TRAPPC9: variants seen among roughly 807,000 people sequenced by gnomAD.
The protein encoded by TRAPPC9 is IKK2 binding protein.
TRAPPC9 carries 83 observed loss-of-function variants against 124.0 expected under a neutral mutation model. That is an observed-to-expected ratio of 0.67 (90% CI 0.56 to 0.80). TRAPPC9 has a LOEUF of 0.80. Ranked by LOEUF, TRAPPC9 falls within the 30% of genes least tolerant of loss-of-function variation. The pLI is 0.00. For missense variants in TRAPPC9, 1,302 were observed against 1,508.3 expected, an observed-to-expected ratio of 0.86 and a Z score of 2.27; for synonymous variants, 638 against 617.5, an observed-to-expected ratio of 1.03 and a Z score of -0.49.
chr8:140,324,748 C>G (rs2066693668), intron 9 of TRAPPC9, among the ~76,000 whole-genome samples: 1 of 152,108 alleles, frequency 6.6e-6, no homozygotes, highest in South Asian at 2.1e-4. Flanking sequence ...CCAGCCTGAG[C>G]AACAGAGGGA....
chr8:140,192,121 G>T (rs766991667), intron 17 of TRAPPC9, among the ~76,000 whole-genome samples: 9 of 152,144 alleles, frequency 5.9e-5, no homozygotes, highest in Non-Finnish European at 1.2e-4. Flanking sequence ...CTCTAAATCA[G>T]CTGTGTTCAT....
At chr8:139,773,081 C>T (rs1166332851) in intron 21 of TRAPPC9, among the ~76,000 whole-genome samples, 1 of 152,238 alleles carries the variant, frequency 6.6e-6, no homozygotes. Flanking sequence ...TGGGCCACCT[C>T]GCAGTGGCTG....
chr8:139,936,487 C>T (rs1024907544), intron 19 of TRAPPC9, among the ~76,000 whole-genome samples: 2 of 152,184 alleles, frequency 1.3e-5, no homozygotes, highest in African/African-American at 4.8e-5. Context: ...GGAGCCCATC[C>T]AGTGGGAGCA....
intron 19 of TRAPPC9, among the ~76,000 whole-genome samples, chr8:139,920,936 C>T (rs919724731): frequency 6.6e-6 from 1 of 152,240 alleles, no homozygotes; most frequent in African/African-American, 2.4e-5. Flanking sequence ...GTGGTGGTCA[C>T]AGAGTCTGCT....
intron 14 of TRAPPC9, among the ~76,000 whole-genome samples, chr8:140,277,003 C>T (rs1312590891): frequency 6.6e-6 from 1 of 152,180 alleles, no homozygotes; most frequent in African/African-American, 2.4e-5. Context: ...ACTCCAGACA[C>T]TCTCCAGCAG....
At chr8:140,217,807 G>C (rs552331344) in intron 17 of TRAPPC9, among the ~76,000 whole-genome samples, 2 of 152,260 alleles carry the variant, frequency 1.3e-5, no homozygotes, top group South Asian at 4.2e-4. Context: ...CTTGAGGTCG[G>C]AAGTTTGAGA....
chr8:140,158,510 G>A (rs945702109), intron 17 of TRAPPC9, among the ~76,000 whole-genome samples: 5 of 152,198 alleles, frequency 3.3e-5, no homozygotes, highest in Admixed American at 3.3e-4. Context: ...CACCTACTGA[G>A]GCCTCTGGCC....
chr8:139,859,095 C>G (rs10086185), intron 21 of TRAPPC9, among the ~76,000 whole-genome samples: 21,122 of 151,284 alleles, frequency 0.14, 1,963 homozygotes, highest in African/African-American at 0.26. Context: ...GGAGGCCAAG[C>G]TGAGGGATTT....
At chr8:139,893,065 G>T (rs1212167582) in intron 20 of TRAPPC9, among the ~76,000 whole-genome samples, 1 of 152,210 alleles carries the variant, frequency 6.6e-6, no homozygotes, top group Non-Finnish European at 1.5e-5. Context: ...CCCTGTGGGA[G>T]TTAAACTCAC....
intron 19 of TRAPPC9, 54 bp from the exon 20 acceptor site, chr8:139,910,354 C>A: frequency 1.3e-6 from 2 of 1,592,160 alleles, no homozygotes; most frequent in East Asian, 2.2e-5. Context: ...CAATTTCTGC[C>A]GGCTGTTGGA....
intron 2 of TRAPPC9, among the ~76,000 whole-genome samples, chr8:140,448,349 G>C (rs1348043039): frequency 2.0e-5 from 3 of 152,276 alleles, no homozygotes; most frequent in East Asian, 1.9e-4. Flanking sequence ...TTCAGTGCCT[G>C]GAGCCATGCC....
At chr8:139,828,067 C>T (rs1299874339) in intron 21 of TRAPPC9, among the ~76,000 whole-genome samples, 1 of 152,116 alleles carries the variant, frequency 6.6e-6, no homozygotes, top group Non-Finnish European at 1.5e-5. Context: ...CCACCACCAA[C>T]AGTGGGAATT....
intron 16 of TRAPPC9, among the ~76,000 whole-genome samples, chr8:140,230,338 G>A (rs760826161): frequency 5.9e-5 from 9 of 152,346 alleles, no homozygotes; most frequent in South Asian, 2.1e-4. Flanking sequence ...GCTGGGCACG[G>A]TGGCTCATGC....
At chr8:139,979,087 A>G (rs1836702906) in intron 19 of TRAPPC9, among the ~76,000 whole-genome samples, 1 of 151,856 alleles carries the variant, frequency 6.6e-6, no homozygotes, top group Non-Finnish European at 1.5e-5. Context: ...CCAGGTGCGG[A>G]GCCGTGAGGG....
chr8:140,103,868 C>A (rs898584424), intron 17 of TRAPPC9, among the ~76,000 whole-genome samples: 1 of 152,222 alleles, frequency 6.6e-6, no homozygotes, highest in Non-Finnish European at 1.5e-5. Context: ...TGAACCTGGG[C>A]AGCCCAACTC....
chr8:140,275,614 A>C, intron 15 of TRAPPC9, 44 bp downstream of exon 15: 1 of 1,593,686 alleles, frequency 6.3e-7, no homozygotes, highest in Non-Finnish European at 8.6e-7. Context: ...CTACAAGTAA[A>C]CAATACAAAC....
At chr8:140,403,644 A>G (rs1219234123) in intron 6 of TRAPPC9, among the ~76,000 whole-genome samples, 1 of 147,848 alleles carries the variant, frequency 6.8e-6, no homozygotes, top group African/African-American at 2.4e-5. Context: ...AATATATAAC[A>G]CTTTAAGAAA....
chr8:140,022,909 T>G (rs1839903912), intron 18 of TRAPPC9, among the ~76,000 whole-genome samples: 1 of 152,192 alleles, frequency 6.6e-6, no homozygotes, highest in Non-Finnish European at 1.5e-5. Flanking sequence ...GTCTTTCCTA[T>G]AAACTAAAAC....
intron 19 of TRAPPC9, among the ~76,000 whole-genome samples, chr8:139,981,075 G>A (rs1027254739): frequency 6.6e-6 from 1 of 152,154 alleles, no homozygotes; most frequent in Non-Finnish European, 1.5e-5. Flanking sequence ...TGAATTTCTC[G>A]AATCCAATTG....
Sources: allele counts gnomAD v4.1 joint callset (sites outside exome capture counted in the v4.1 genomes callset), GRCh38; gene constraint gnomAD v4.1.1; transcripts MANE v1.5; gene names NCBI Gene and HGNC (gene_info 2026-07-23, HGNC 2026-07-21).